MACROD2: variants seen among roughly 807,000 people sequenced by gnomAD.
MACROD2 encodes the protein ADP-ribose glycohydrolase MACROD2.
MACROD2 carries 36 observed loss-of-function variants against 70.4 expected under a neutral mutation model. The ratio of observed to expected loss-of-function variants is 0.51; its 90% CI spans 0.39 to 0.68. MACROD2 has a LOEUF of 0.68. Ranked by LOEUF, MACROD2 falls within the 30% of genes least tolerant of loss-of-function variation. The pLI, the probability that MACROD2 is intolerant of heterozygous loss-of-function variation, is 0.00. For synonymous variants in MACROD2, 172 were observed against 178.8 expected, an observed-to-expected ratio of 0.96 and a Z score of 0.30; for missense variants, 496 against 538.4, an observed-to-expected ratio of 0.92 and a Z score of 0.78.
intron 6 of MACROD2, among the ~76,000 whole-genome samples, chr20:15,304,515 C>A (rs1241942185): frequency 1.3e-5 from 2 of 152,152 alleles, no homozygotes; most frequent in Non-Finnish European, 2.9e-5. Context: ...ACAGCCTGAT[C>A]AACCTTTTGT....
chr20:15,175,450 A>T (rs763767475), intron 5 of MACROD2, among the ~76,000 whole-genome samples: 2,595 of 152,258 alleles, frequency 0.017, 40 homozygotes, highest in Non-Finnish European at 0.028. Flanking sequence ...TAAAATTTAA[A>T]AAAAGATATG....
chr20:15,100,657 T>C (rs2075865336), intron 5 of MACROD2, among the ~76,000 whole-genome samples: 2 of 152,164 alleles, frequency 1.3e-5, no homozygotes, highest in Non-Finnish European at 2.9e-5. Context: ...GCTAGGTTTT[T>C]TTGTGCCTTT....
chr20:15,557,424 A>T (rs1442258142), intron 8 of MACROD2, among the ~76,000 whole-genome samples: 1 of 152,236 alleles, frequency 6.6e-6, no homozygotes, highest in Non-Finnish European at 1.5e-5. Context: ...AGAAAAAAAT[A>T]AAAGGGGTAC....
At chr20:15,001,163 G>A (rs2074992357) in intron 5 of MACROD2, among the ~76,000 whole-genome samples, 3 of 152,138 alleles carry the variant, frequency 2.0e-5, no homozygotes. Context: ...AATAGAAAAT[G>A]GCTGTTTGGG....
At chr20:14,394,795 A>T (rs899403570) in intron 3 of MACROD2, among the ~76,000 whole-genome samples, 1 of 152,160 alleles carries the variant, frequency 6.6e-6, no homozygotes, top group Non-Finnish European at 1.5e-5. Flanking sequence ...TATTTTCCTT[A>T]ATCAGGTATT....
chr20:14,924,952 T>G (rs1268355388), intron 5 of MACROD2, among the ~76,000 whole-genome samples: 1 of 152,176 alleles, frequency 6.6e-6, no homozygotes, highest in Non-Finnish European at 1.5e-5. Flanking sequence ...CCTTGCCTCC[T>G]TAGGTTCTGA....
At chr20:15,757,289 G>A (rs974847666) in intron 8 of MACROD2, among the ~76,000 whole-genome samples, 1 of 152,172 alleles carries the variant, frequency 6.6e-6, no homozygotes, top group African/African-American at 2.4e-5. Context: ...TTTTTCAATA[G>A]AAGGAGAGAT....
chr20:15,413,366 C>T (rs1212890486), intron 6 of MACROD2, among the ~76,000 whole-genome samples: 1 of 152,286 alleles, frequency 6.6e-6, no homozygotes, highest in South Asian at 2.1e-4. Flanking sequence ...AACATTAACT[C>T]TGGTATTTTA....
At chr20:14,848,556 G>T (rs2073166579) in intron 5 of MACROD2, among the ~76,000 whole-genome samples, 1 of 152,034 alleles carries the variant, frequency 6.6e-6, no homozygotes, top group African/African-American at 2.4e-5. Context: ...CAAGTAAAAA[G>T]CAGGGCCGGA....
intron 8 of MACROD2, among the ~76,000 whole-genome samples, chr20:15,567,404 G>T (rs970870480): frequency 6.6e-6 from 1 of 152,164 alleles, no homozygotes; most frequent in Non-Finnish European, 1.5e-5. Flanking sequence ...CACGGATGTG[G>T]CCTCCATGTG....
chr20:14,735,086 T>C (rs2071646469), intron 5 of MACROD2, among the ~76,000 whole-genome samples: 1 of 152,132 alleles, frequency 6.6e-6, no homozygotes. Flanking sequence ...GATGGATTCT[T>C]ACATATGACA....
At chr20:14,362,395 T>C (rs187561450) in intron 3 of MACROD2, among the ~76,000 whole-genome samples, 3 of 152,310 alleles carry the variant, frequency 2.0e-5, no homozygotes, top group Non-Finnish European at 2.9e-5. Context: ...GTAACACTTA[T>C]GGGTCAGGCC....
chr20:15,870,277 A>G lies in MACROD2; in HGVS notation c.727+7451A>G, dbSNP rs185223720. 5.0e-4 allele frequency among the ~76,000 whole-genome samples: 76 copies of G among 151,428 alleles called. No individual in the cohort carries two copies. The East Asian group carries it at 0.012, about 24-fold the overall frequency. ...ATTATTATTATTATTTGACCTTTTT[A>G]TCTTGATCTCATCAATGAAAAAATA... is the stretch of plus-strand genomic sequence containing the variant. On this transcript the variant is annotated intron_variant, in intron 9 of 17. Transcript: ENST00000684519.
intron 8 of MACROD2, among the ~76,000 whole-genome samples, chr20:15,741,738 T>C (rs1436332890): frequency 1.3e-5 from 2 of 152,130 alleles, no homozygotes; most frequent in African/African-American, 4.8e-5. Flanking sequence ...ACACACAAGA[T>C]ATCATTTTCC....
intron 5 of MACROD2, among the ~76,000 whole-genome samples, chr20:15,020,160 C>A (rs77944369): frequency 0.15 from 23,038 of 152,066 alleles, 1,889 homozygotes; most frequent in African/African-American, 0.19. Flanking sequence ...GCAAAATCTC[C>A]TGTGGATATT....
At chr20:14,868,151 G>A (rs1191931314) in intron 5 of MACROD2, among the ~76,000 whole-genome samples, 3 of 151,120 alleles carry the variant, frequency 2.0e-5, no homozygotes, top group Non-Finnish European at 4.4e-5. Context: ...TCTTGAGAGG[G>A]TTCCATCTCT....
intron 3 of MACROD2, among the ~76,000 whole-genome samples, chr20:14,093,527 A>C (rs1399507287): frequency 6.6e-6 from 1 of 152,196 alleles, no homozygotes; most frequent in East Asian, 1.9e-4. Context: ...AGTATTTACT[A>C]TGAGTAAAAG....
At chr20:14,011,530 A>AT (rs34996651) in intron 2 of MACROD2, among the ~76,000 whole-genome samples, 22,317 of 145,074 alleles carry the variant, frequency 0.15, 1,803 homozygotes, top group East Asian at 0.23. Context: ...TTTCTCTTCG[A>AT]TTTTTTTTTT....
chr20:14,552,778 G>T (rs909494987), intron 4 of MACROD2, among the ~76,000 whole-genome samples: 2 of 152,038 alleles, frequency 1.3e-5, no homozygotes, highest in Non-Finnish European at 2.9e-5. Context: ...CATAGAAAAG[G>T]TACAGTAAAA....
Sources: allele counts gnomAD v4.1 joint callset (sites outside exome capture counted in the v4.1 genomes callset), GRCh38; gene constraint gnomAD v4.1.1; transcripts MANE v1.5; gene names NCBI Gene and HGNC (gene_info 2026-07-23, HGNC 2026-07-21).